XYLT1: variants seen among roughly 807,000 people sequenced by gnomAD.
The protein encoded by XYLT1 is xylosyltransferase 1.
Under a neutral mutation model 91.3 loss-of-function variants are expected in XYLT1, and 36 were observed. That is an observed-to-expected ratio of 0.39 (90% CI 0.30 to 0.52). The LOEUF is 0.52. XYLT1 is among the 20% of genes least tolerant of loss of function. XYLT1 has a pLI of 0.68. For missense variants in XYLT1, 1,242 were observed against 1,284.5 expected (o/e 0.97, Z 0.51); for synonymous variants, 588 against 532.0 (o/e 1.11, Z -1.45).
In XYLT1 at chr16:17,194,728, C is replaced by T. The variant is rs554170857; in HGVS notation, c.1289+3484G>A. On this transcript the variant is annotated intron_variant, in intron 5 of 11. Transcript: ENST00000261381. ...GGCCGACTAAAAGCCAGAAGGAATA[C>T]CAACTTTGCAACCAGACGAAACTGG... 3.9e-5 allele frequency among the ~76,000 whole-genome samples: 6 copies of T among 152,336 alleles called. No homozygotes were observed. In the South Asian group the frequency reaches 1.0e-3, roughly 26 times the overall value.
intron 5 of XYLT1, among the ~76,000 whole-genome samples, chr16:17,178,574 A>G (rs2031996068): frequency 6.6e-6 from 1 of 152,212 alleles, no homozygotes; most frequent in African/African-American, 2.4e-5. Flanking sequence ...GATCTGAAAC[A>G]TGGGAGATCT....
chr16:17,361,882 TA>T (rs1251301300), intron 1 of XYLT1, among the ~76,000 whole-genome samples: 1 of 152,240 alleles, frequency 6.6e-6, no homozygotes, highest in African/African-American at 2.4e-5. Context: ...TGACATTTGT[TA>T]AGTTCTCACT....
At chr16:17,393,592 T>C (rs2035847291) in intron 1 of XYLT1, among the ~76,000 whole-genome samples, 1 of 152,064 alleles carries the variant, frequency 6.6e-6, no homozygotes, top group African/African-American at 2.4e-5. Context: ...TCACCAGCAA[T>C]ACATGCTACA....
chr16:17,276,440 T>TGTC (rs1567352785), intron 2 of XYLT1, among the ~76,000 whole-genome samples: 11 of 152,160 alleles, frequency 7.2e-5, no homozygotes, highest in Non-Finnish European at 1.3e-4. Context: ...TTTTGGAAAA[T>TGTC]GATTTCTGCA....
At chr16:17,470,341 T>C in intron 1 of XYLT1, 93 bp downstream of exon 1, 1 of 1,190,630 alleles carries the variant, frequency 8.4e-7, no homozygotes, top group South Asian at 4.3e-5. Flanking sequence ...AGAGTCCCAG[T>C]CTGATGACCG....
At chr16:17,464,516 GA>G (rs2036863527) in intron 1 of XYLT1, among the ~76,000 whole-genome samples, 1 of 147,744 alleles carries the variant, frequency 6.8e-6, no homozygotes, top group Non-Finnish European at 1.5e-5. Flanking sequence ...AAAGGAGCTA[GA>G]AGAGAAGAAT....
At chr16:17,169,620 C>T (rs996048406) in intron 5 of XYLT1, among the ~76,000 whole-genome samples, 1 of 119,704 alleles carries the variant, frequency 8.4e-6, no homozygotes, top group African/African-American at 3.2e-5. Context: ...AGGACGCCAC[C>T]GGAATCATGA....
At chr16:17,199,969 TC>T (rs1394640834) in intron 4 of XYLT1, among the ~76,000 whole-genome samples, 1 of 152,036 alleles carries the variant, frequency 6.6e-6, no homozygotes, top group East Asian at 1.9e-4. Context: ...ACACCTGTAA[TC>T]CCAGCACTTT....
chr16:17,117,566 G>A (rs1007493425), intron 11 of XYLT1, 80 bp downstream of exon 11: 2 of 1,470,572 alleles, frequency 1.4e-6, no homozygotes, highest in African/African-American at 1.4e-5. Context: ...TGTCTGAGCA[G>A]TGCTGCCTAC....
intron 3 of XYLT1, among the ~76,000 whole-genome samples, chr16:17,225,479 G>T (rs1384648193): frequency 6.6e-6 from 1 of 152,116 alleles, no homozygotes; most frequent in Admixed American, 6.6e-5. Flanking sequence ...TGCTGGTCTG[G>T]CTTGTATTAC....
At chr16:17,132,444 C>T (rs1394718520) in intron 9 of XYLT1, among the ~76,000 whole-genome samples, 1 of 152,006 alleles carries the variant, frequency 6.6e-6, no homozygotes, top group Non-Finnish European at 1.5e-5. Flanking sequence ...GGAATTGTTA[C>T]CATCACACAC....
At chr16:17,464,467 G>A (rs143537301) in intron 1 of XYLT1, among the ~76,000 whole-genome samples, 110 of 145,484 alleles carry the variant, frequency 7.6e-4, no homozygotes, top group African/African-American at 2.7e-3. Context: ...ACTCCAGGCC[G>A]GGCAACAGAG....
intron 1 of XYLT1, among the ~76,000 whole-genome samples, chr16:17,400,678 ACT>A (rs1233964925): frequency 5.6e-5 from 8 of 142,502 alleles, no homozygotes; most frequent in African/African-American, 2.0e-4. Flanking sequence ...GAAGGAAGGA[ACT>A]AACTAACTTG....
chr16:17,119,488 A>C (rs992233303), intron 10 of XYLT1, among the ~76,000 whole-genome samples: 1 of 152,228 alleles, frequency 6.6e-6, no homozygotes, highest in Non-Finnish European at 1.5e-5. Flanking sequence ...GTGGATACAC[A>C]TACCCACATT....
At chr16:17,162,527 C>G (rs1044485479) in intron 5 of XYLT1, among the ~76,000 whole-genome samples, 1 of 151,862 alleles carries the variant, frequency 6.6e-6, no homozygotes, top group Non-Finnish European at 1.5e-5. Context: ...GGACAAATGT[C>G]ACAGCTTGTG....
intron 2 of XYLT1, among the ~76,000 whole-genome samples, chr16:17,315,472 C>A (rs1230986228): frequency 6.6e-6 from 1 of 152,228 alleles, no homozygotes; most frequent in Non-Finnish European, 1.5e-5. Context: ...ATTCTAGAAT[C>A]TTCTGCTTCT....
chr16:17,267,360 GGAT>G (rs1177788988), intron 2 of XYLT1, among the ~76,000 whole-genome samples: 1 of 152,248 alleles, frequency 6.6e-6, no homozygotes, highest in African/African-American at 2.4e-5. Flanking sequence ...AGTGGCAGCA[GGAT>G]GATATTTTAA....
chr16:17,463,939 A>G (rs1247591876), intron 1 of XYLT1, among the ~76,000 whole-genome samples: 1 of 152,248 alleles, frequency 6.6e-6, no homozygotes, highest in African/African-American at 2.4e-5. Context: ...TTGCAGCAAC[A>G]TGAATAAACC....
intron 1 of XYLT1, among the ~76,000 whole-genome samples, chr16:17,365,535 C>G (rs1240784293): frequency 1.3e-5 from 2 of 152,100 alleles, no homozygotes; most frequent in Admixed American, 1.3e-4. Flanking sequence ...AAACAGAAAC[C>G]CCACAGAGAG....
Sources: gnomAD v4.1 joint callset for allele counts (sites outside exome capture counted in the v4.1 genomes callset) on GRCh38, gnomAD v4.1.1 for gene constraint, MANE v1.5 for transcripts, NCBI Gene and HGNC (gene_info 2026-07-23, HGNC 2026-07-21) for gene names.